DGKB: variants seen among roughly 807,000 people sequenced by gnomAD.
The protein encoded by DGKB is 90 kDa diacylglycerol kinase.
DGKB carries 67 observed loss-of-function variants against 114.3 expected under a neutral mutation model. The observed-to-expected ratio is 0.59, with a 90% confidence interval of 0.48 to 0.72. The LOEUF (loss-of-function observed/expected upper bound fraction) is 0.72. Ranked by LOEUF, DGKB falls within the 30% of genes least tolerant of loss-of-function variation. The pLI, the probability that DGKB is intolerant of heterozygous loss-of-function variation, is 0.00. For synonymous variants in DGKB, 398 were observed against 323.1 expected (o/e 1.23, Z -2.49); for missense variants, 907 against 975.2 (o/e 0.93, Z 0.93).
At chr7:14,967,576 C>G (rs1787228242) in intron 1 of DGKB, among the ~76,000 whole-genome samples, 1 of 150,832 alleles carries the variant, frequency 6.6e-6, no homozygotes, top group South Asian at 2.1e-4. Context: ...TCACCTCGGC[C>G]TCCCACAGTG....
At chr7:14,429,590 C>T (rs1339259291) in intron 21 of DGKB, among the ~76,000 whole-genome samples, 1 of 152,156 alleles carries the variant, frequency 6.6e-6, no homozygotes, top group East Asian at 1.9e-4. Flanking sequence ...CTCCTCTTCA[C>T]TCTGCGCCCT....
At chr7:14,794,859 C>T (rs564735520) in intron 2 of DGKB, among the ~76,000 whole-genome samples, 2 of 152,268 alleles carry the variant, frequency 1.3e-5, no homozygotes, top group Admixed American at 6.5e-5. Flanking sequence ...TCCCCAACCT[C>T]CAGCAGAATT....
chr7:14,688,826 AATC>A (rs1278078771), intron 9 of DGKB, among the ~76,000 whole-genome samples: 1 of 151,090 alleles, frequency 6.6e-6, no homozygotes, highest in Non-Finnish European at 1.5e-5. Flanking sequence ...CATAAATAAA[AATC>A]ATTATCCTAG....
intron 1 of DGKB, among the ~76,000 whole-genome samples, chr7:14,959,474 C>T (rs931824894): frequency 2.0e-5 from 3 of 151,730 alleles, no homozygotes; most frequent in African/African-American, 7.2e-5. Context: ...CATAATCCAG[C>T]TTCTTGAATT....
chr7:14,957,200 A>G (rs1786557539), intron 1 of DGKB, among the ~76,000 whole-genome samples: 1 of 152,028 alleles, frequency 6.6e-6, no homozygotes, highest in African/African-American at 2.4e-5. Context: ...GACTAAAAAG[A>G]GGGTTCCCCA....
intron 20 of DGKB, among the ~76,000 whole-genome samples, chr7:14,531,124 A>G (rs180986858): frequency 2.6e-3 from 397 of 151,632 alleles, no homozygotes; most frequent in South Asian, 5.6e-3. Flanking sequence ...AATCTGGTAC[A>G]CCAAAGGGAA....
chr7:14,264,531 G>T (rs1321964228), intron 23 of DGKB, among the ~76,000 whole-genome samples: 5 of 152,142 alleles, frequency 3.3e-5, no homozygotes, highest in Non-Finnish European at 5.9e-5. Context: ...GAGTACTAGA[G>T]ATTATTAATG....
chr7:14,895,726 T>A (rs924637208), intron 1 of DGKB, among the ~76,000 whole-genome samples: 1 of 151,608 alleles, frequency 6.6e-6, no homozygotes, highest in African/African-American at 2.4e-5. Flanking sequence ...GTGGTATAAG[T>A]AAGTACTTCT....
At chr7:14,156,399 C>T (rs1036617110) in intron 25 of DGKB, among the ~76,000 whole-genome samples, 15 of 152,054 alleles carry the variant, frequency 9.9e-5, no homozygotes, top group African/African-American at 3.6e-4. Context: ...GCTTTGTGGT[C>T]TCTGAACTAC....
chr7:14,852,279 A>AGTGTGT (rs143744648), intron 1 of DGKB, among the ~76,000 whole-genome samples: 3 of 149,626 alleles, frequency 2.0e-5, no homozygotes, highest in Admixed American at 1.3e-4. Context: ...TGCTGAAAGA[A>AGTGTGT]GTGTGTGTGT....
chr7:14,799,640 GC>G (rs1200441968), intron 2 of DGKB, among the ~76,000 whole-genome samples: 1 of 152,104 alleles, frequency 6.6e-6, no homozygotes, highest in Admixed American at 6.6e-5. Flanking sequence ...CCTCTAACGG[GC>G]CTATTTGGAT....
chr7:14,802,302 T>C (rs1842274327), intron 2 of DGKB, among the ~76,000 whole-genome samples: 1 of 152,152 alleles, frequency 6.6e-6, no homozygotes, highest in South Asian at 2.1e-4. Context: ...TCTCATGTTT[T>C]CTTTTCTTAT....
At chr7:14,464,922 A>G (rs1833605450) in intron 21 of DGKB, among the ~76,000 whole-genome samples, 1 of 152,204 alleles carries the variant, frequency 6.6e-6, no homozygotes, top group East Asian at 1.9e-4. Flanking sequence ...TGCCCCTGCC[A>G]GAGATCACAT....
intron 2 of DGKB, among the ~76,000 whole-genome samples, chr7:14,814,650 C>A (rs1486782755): frequency 6.6e-6 from 1 of 152,120 alleles, no homozygotes; most frequent in African/African-American, 2.4e-5. Flanking sequence ...GGACTCATTT[C>A]CCACTCAACA....
At chr7:14,650,759 T>C (rs1814266654) in intron 13 of DGKB, among the ~76,000 whole-genome samples, 1 of 134,200 alleles carries the variant, frequency 7.5e-6, no homozygotes, top group Non-Finnish European at 1.6e-5. Flanking sequence ...GCAAGACTAA[T>C]AAAGAAAAAA....
chr7:14,245,007 G>A (rs1290693945), intron 23 of DGKB, among the ~76,000 whole-genome samples: 1 of 152,076 alleles, frequency 6.6e-6, no homozygotes, highest in Non-Finnish European at 1.5e-5. Context: ...CATTACTTCT[G>A]TTCTTCATAT....
chr7:14,242,142 T>G (rs1262805987), intron 23 of DGKB, among the ~76,000 whole-genome samples: 2 of 152,196 alleles, frequency 1.3e-5, no homozygotes, highest in Non-Finnish European at 2.9e-5. Context: ...TTTGATTCTT[T>G]CAGTCCCTGA....
intron 4 of DGKB, among the ~76,000 whole-genome samples, chr7:14,752,349 T>C (rs967646381): frequency 6.6e-6 from 1 of 152,094 alleles, no homozygotes; most frequent in African/African-American, 2.4e-5. Context: ...GGTAAAAGCA[T>C]ATTGTCTGAA....
intron 1 of DGKB, among the ~76,000 whole-genome samples, chr7:14,913,301 T>C (rs954222401): frequency 6.6e-6 from 1 of 151,976 alleles, no homozygotes; most frequent in African/African-American, 2.4e-5. Flanking sequence ...TGACTACCTT[T>C]GCACATGCAT....
Sources: gnomAD v4.1 joint callset for allele counts (sites outside exome capture counted in the v4.1 genomes callset) on GRCh38, gnomAD v4.1.1 for gene constraint, MANE v1.5 for transcripts, NCBI Gene and HGNC (gene_info 2026-07-23, HGNC 2026-07-21) for gene names.